Variants in BTBD8 observed in about 807,000 individuals in gnomAD.
BTBD8 encodes the protein BTB/POZ domain-containing protein 8.
Under a neutral mutation model 162.9 loss-of-function variants are expected in BTBD8, and 110 were observed. That is an observed-to-expected ratio of 0.68 (90% confidence interval 0.58 to 0.79). The LOEUF is 0.79. Among genes scored for constraint, BTBD8 ranks in the 30% least tolerant of loss-of-function variants. The pLI is 0.00. For missense variants in BTBD8, 1,905 were observed against 2,085.4 expected (o/e 0.91, Z 1.68); for synonymous variants, 667 against 716.1 (o/e 0.93, Z 1.10).
chr1:92,085,820 T>G (rs1370039236), intron 1 of BTBD8, among the ~76,000 whole-genome samples: 2 of 152,136 alleles, frequency 1.3e-5, no homozygotes, highest in Non-Finnish European at 2.9e-5. Context: ...TTGAGCTCAG[T>G]GTTGGGGTGA....
intron 4 of BTBD8, among the ~76,000 whole-genome samples, chr1:92,114,154 T>C (rs1386907419): frequency 6.6e-6 from 1 of 152,026 alleles, no homozygotes; most frequent in Admixed American, 6.6e-5. Flanking sequence ...AAAACACTTA[T>C]TATTTGCTAA....
At chr1:92,122,491 T>C (rs1374960362) in intron 4 of BTBD8, among the ~76,000 whole-genome samples, 1 of 152,092 alleles carries the variant, frequency 6.6e-6, no homozygotes, top group Non-Finnish European at 1.5e-5. Flanking sequence ...TCTCTTGACC[T>C]CGTGATCTGC....
chr1:92,144,162 C>G (rs536271845), intron 7 of BTBD8, among the ~76,000 whole-genome samples: 1 of 150,714 alleles, frequency 6.6e-6, no homozygotes, highest in Non-Finnish European at 1.5e-5. Context: ...TTAGTAGAGA[C>G]GGGGTTTTAT....
Position 92,183,944 on chromosome 1 carries a change from G to T in BTBD8, c.4993G>T (p.Glu1665Ter). ...TTCAAAAACCCTGTCTCCAATATAT[G>T]AGATGGATGTAATAGAAGCATTTGA... The part of the protein sequence containing the change: ...RPSKTLSPIY[E>*]MDVIEAFEQK... The change falls in exon 18 of 18, where the codon GAG becomes TAG. Residue 1665 changes from glutamate (E) to a stop codon, truncating the protein, a stop_gained. Transcript: ENST00000636805. LOFTEE classifies it high-confidence loss of function. 1 of 1,551,560 alleles carries T rather than the reference G, an allele frequency of 6.4e-7. No individual in the cohort carries two copies. The highest frequency in any genetic ancestry group is 8.7e-7 in the Non-Finnish European group (1 of 1,146,874).
At chr1:92,108,404 T>A (rs575357384) in intron 4 of BTBD8, among the ~76,000 whole-genome samples, 1 of 152,264 alleles carries the variant, frequency 6.6e-6, no homozygotes, top group Non-Finnish European at 1.5e-5. Flanking sequence ...ATAGGCATTA[T>A]AGTATTGAGA....
chr1:92,177,072 G>T lies in BTBD8; in HGVS notation c.1879G>T (p.Gly627Ter). The T allele has an allele frequency of 6.4e-7, 1 of 1,551,326 alleles. No individual in the cohort carries two copies. The highest frequency in any genetic ancestry group is 8.7e-7 in the Non-Finnish European group (1 of 1,146,908). ...GATTACAAAAGAACTAAAAACTGGG[G>T]GAAAAAATGTTTCTGGAAAGCCCAA... ...SKITKELKTG[G>*]KNVSGKPKTV... Residue 627 changes from glycine (G) to a stop codon, truncating the protein, a stop_gained, in exon 14 of 18, where the codon GGA becomes TGA. Transcript: ENST00000636805. LOFTEE classifies it high-confidence loss of function.
At chr1:92,166,319 G>T (rs535112100) in intron 9 of BTBD8, among the ~76,000 whole-genome samples, 1 of 151,784 alleles carries the variant, frequency 6.6e-6, no homozygotes, top group Non-Finnish European at 1.5e-5. Context: ...ATATCTATAA[G>T]CACAAAAATT....
chr1:92,110,222 G>T (rs533840181), intron 4 of BTBD8, among the ~76,000 whole-genome samples: 3 of 152,216 alleles, frequency 2.0e-5, no homozygotes, highest in African/African-American at 4.8e-5. Flanking sequence ...CTAAGCCAAA[G>T]AAATCATTTC....
intron 7 of BTBD8, among the ~76,000 whole-genome samples, chr1:92,146,508 C>T (rs890004454): frequency 6.6e-6 from 1 of 152,178 alleles, no homozygotes; most frequent in Non-Finnish European, 1.5e-5. Flanking sequence ...TGGTGTTGTA[C>T]ATTTTATGGG....
At position 92,177,507 on chromosome 1, in the gene BTBD8, A is replaced by T; in HGVS notation, c.2314A>T (p.Met772Leu). The T allele has an allele frequency of 1.3e-6, 2 of 1,550,130 alleles. No individual in the cohort carries two copies. Among genetic ancestry groups the T allele is most frequent in the Non-Finnish European group, 1.7e-6 (2 of 1,146,548 alleles). The change falls in exon 14 of 18, where the codon ATG becomes TTG. Residue 772 changes from methionine to leucine, a missense_variant. By Grantham distance (15) the Met-to-Leu change is conservative. Around this residue, in one of 3 missense-constraint regions of BTBD8, gnomAD observed 1,374 missense variants for 1,442.7 expected, o/e 0.95. Transcript: ENST00000636805. ...LSFCDSPGQM[M>L]KNSVDSVKNS... ...CTTTTGTGATTCTCCAGGACAGATGATGAAAAACAGTGTAGATAGTGTCAA... is the reference window on the plus strand; with the variant it reads ...CTTTTGTGATTCTCCAGGACAGATGTTGAAAAACAGTGTAGATAGTGTCAA...
chr1:92,120,989 C>T (rs1030404424), intron 4 of BTBD8, among the ~76,000 whole-genome samples: 2 of 152,182 alleles, frequency 1.3e-5, no homozygotes, highest in African/African-American at 4.8e-5. Flanking sequence ...TCTCAAACTC[C>T]TGGCCTCATG....
intron 12 of BTBD8, among the ~76,000 whole-genome samples, chr1:92,171,079 A>G (rs1049179973): frequency 3.3e-5 from 5 of 152,024 alleles, no homozygotes; most frequent in South Asian, 4.1e-4. Context: ...AATGAAACCA[A>G]TTATCTAAAA....
At chr1:92,095,331 C>G (rs1006406354) in intron 2 of BTBD8, among the ~76,000 whole-genome samples, 1 of 152,188 alleles carries the variant, frequency 6.6e-6, no homozygotes, top group African/African-American at 2.4e-5. Flanking sequence ...TATTTCTTCC[C>G]TTGAAAACCC....
At chr1:92,128,077 GC>G (rs556336528) in intron 4 of BTBD8, among the ~76,000 whole-genome samples, 320 of 152,114 alleles carry the variant, frequency 2.1e-3, no homozygotes, top group African/African-American at 7.3e-3. Context: ...ATATTTTCTA[GC>G]CTTACGAGTT....
rs1241601339 is a variant in BTBD8, at chr1:92,177,138, C to T, written c.1945C>T (p.Arg649Trp). Residue 649 changes from arginine (R) to tryptophan (W), a missense_variant, in exon 14 of 18, where the codon CGG (arginine) becomes TGG (tryptophan). Arg to Trp is a moderately radical substitution (Grantham distance 101). This residue lies in a region of BTBD8 where 1,374 missense variants were observed against 1,442.7 expected (regional missense o/e 0.95). Coordinates refer to ENST00000636805, the MANE Select transcript of BTBD8 (RefSeq NM_001376131.1). ...CAAAACAGAAAATGGTGATAAGGCA[C>T]GGTTGGAAAACATGTCACCTAGACA... is the stretch of plus-strand genomic sequence containing the variant. Reference protein sequence around the residue: ...KSKTENGDKARLENMSPRQVV... With the variant: ...KSKTENGDKAWLENMSPRQVV... 7.1e-6 allele frequency: 11 copies of T among 1,551,572 alleles called. No individual in the cohort carries two copies. Among genetic ancestry groups the T allele is most frequent in the African/African-American group, 1.4e-5 (1 of 73,104 alleles).
At chr1:92,088,634 T>TA in intron 1 of BTBD8, 64 bp from the exon 2 acceptor site, 1 of 1,290,978 alleles carries the variant, frequency 7.7e-7, no homozygotes, top group East Asian at 2.5e-5. Flanking sequence ...ACCTACTTTA[T>TA]AAAAATATGT....
Position 92,088,715 on chromosome 1 carries a change from T to A in BTBD8, c.167T>A (p.Phe56Tyr). The A allele has an allele frequency of 6.2e-7, 1 of 1,603,094 alleles. No individual in the cohort carries two copies. Among genetic ancestry groups the A allele is most frequent in the Non-Finnish European group, 8.5e-7 (1 of 1,174,976 alleles). The change falls in exon 2 of 18, where the codon TTC (phenylalanine) becomes TAC (tyrosine). Residue 56 changes from phenylalanine to tyrosine, a missense_variant. Physicochemically the swap from Phe to Tyr is conservative, Grantham distance 22. Around this residue, in one of 3 missense-constraint regions of BTBD8, gnomAD observed 1,374 missense variants for 1,442.7 expected, o/e 0.95. Transcript: ENST00000636805. ...CCTTATAGGCTTCTAAGGGAAGAAT[T>A]CCATACAGATGTTACCTTCTCTGTG... ...QDLLRLLREE[F>Y]HTDVTFSVGC...
At chr1:92,136,355 T>C (rs1297086610) in intron 5 of BTBD8, among the ~76,000 whole-genome samples, 1 of 152,078 alleles carries the variant, frequency 6.6e-6, no homozygotes, top group African/African-American at 2.4e-5. Context: ...TTTTTTTTTT[T>C]TCTTTTTATG....
In BTBD8 at chr1:92,117,256, C is replaced by T. The variant is rs368882869; in HGVS notation, c.662+9255C>T. Among the ~76,000 whole-genome samples the T allele has an allele frequency of 1.1e-4, 16 of 152,104 alleles. 1 individual carries two copies. The South Asian group carries it at 3.1e-3, about 30-fold the overall frequency. ...ATGTTCACATTTTGCTGCTGCTTCACATTACCTAATAAGTTTTTAATCAAA... is the reference window on the plus strand; with the variant it reads ...ATGTTCACATTTTGCTGCTGCTTCATATTACCTAATAAGTTTTTAATCAAA... On this transcript the variant is annotated intron_variant, in intron 4 of 17. Coordinates refer to ENST00000636805, the MANE Select transcript of BTBD8 (RefSeq NM_001376131.1).
Sources: gnomAD v4.1 joint callset for allele counts (sites outside exome capture counted in the v4.1 genomes callset) on GRCh38, gnomAD v4.1.1 for gene constraint, gnomAD v4.1.1 regional missense constraint, MANE v1.5 for transcripts, NCBI Gene and HGNC (gene_info 2026-07-23, HGNC 2026-07-21) for gene names.